INO80C: variants seen among roughly 807,000 people sequenced by gnomAD.
The protein encoded by INO80C is IES6 homolog.
A neutral mutation model predicts 17.7 loss-of-function variants in INO80C; 17 were observed. That is an observed-to-expected ratio of 0.96 (90% CI 0.66 to 1.44). The LOEUF (loss-of-function observed/expected upper bound fraction) is 1.44. Ranked by LOEUF, INO80C falls within the 40% of genes most tolerant of loss-of-function variation. The pLI is 0.00. For missense variants in INO80C, 244 were observed against 245.0 expected (o/e 1.00, Z 0.03); for synonymous variants, 96 against 95.8 (o/e 1.00, Z -0.01).
At chr18:35,472,156 T>C (rs1362118314) in intron 4 of INO80C, among the ~76,000 whole-genome samples, 1 of 152,248 alleles carries the variant, frequency 6.6e-6, no homozygotes, top group Non-Finnish European at 1.5e-5. Context: ...TTTCTAGTTC[T>C]AGATTCTTAA....
intron 4 of INO80C, among the ~76,000 whole-genome samples, chr18:35,477,098 G>T (rs1007080003): frequency 7.2e-5 from 11 of 152,166 alleles, no homozygotes; most frequent in African/African-American, 2.4e-4. Context: ...ACAAAAATTA[G>T]CCAGGCATGG....
At chr18:35,489,295 G>A in intron 1 of INO80C, 1 of 271,424 alleles carries the variant, frequency 3.7e-6, no homozygotes, top group Non-Finnish European at 7.3e-6. Flanking sequence ...CCTAAGACTG[G>A]GTAAATTATA....
At chr18:35,490,534 G>A (rs956316524) in intron 1 of INO80C, among the ~76,000 whole-genome samples, 11 of 152,004 alleles carry the variant, frequency 7.2e-5, no homozygotes, top group Admixed American at 2.6e-4. Context: ...TATGACTACT[G>A]ATATAATACT....
intron 4 of INO80C, among the ~76,000 whole-genome samples, chr18:35,470,216 C>T (rs1469736977): frequency 3.9e-5 from 6 of 152,118 alleles, no homozygotes; most frequent in African/African-American, 9.7e-5. Context: ...AACAAGCTGT[C>T]GGGAACTTAT....
chr18:35,481,984 G>A (rs534482463), intron 1 of INO80C, among the ~76,000 whole-genome samples: 1 of 152,308 alleles, frequency 6.6e-6, no homozygotes, highest in East Asian at 1.9e-4. Context: ...GTATTCCACG[G>A]TAAGGAGGCA....
chr18:35,478,537 C>G (rs2045765744), intron 3 of INO80C, among the ~76,000 whole-genome samples, 188 bp from the exon 4 acceptor site: 1 of 152,116 alleles, frequency 6.6e-6, no homozygotes, highest in Non-Finnish European at 1.5e-5. Flanking sequence ...CAGTATGTCA[C>G]AGGCCAAGTG....
At chr18:35,479,505 C>A (rs960755487) in intron 2 of INO80C, 94 bp from the exon 3 acceptor site, 6 of 730,384 alleles carry the variant, frequency 8.2e-6, no homozygotes, top group Non-Finnish European at 1.4e-5. Flanking sequence ...CTGTAATATA[C>A]CTCTCATCTG....
At chr18:35,474,636 G>A (rs1371305768) in intron 4 of INO80C, among the ~76,000 whole-genome samples, 2 of 152,062 alleles carry the variant, frequency 1.3e-5, no homozygotes, top group African/African-American at 4.8e-5. Flanking sequence ...GTAGTGAGCT[G>A]TGATCACATC....
chr18:35,497,464 G>A (rs984847646), intron 1 of INO80C: 4 of 1,276,116 alleles, frequency 3.1e-6, no homozygotes, highest in Admixed American at 4.0e-5. Flanking sequence ...AGGGGAAGAG[G>A]CAGTCCTTCT....
At chr18:35,474,418 T>A (rs554444547) in intron 4 of INO80C, among the ~76,000 whole-genome samples, 342 of 151,650 alleles carry the variant, frequency 2.3e-3, no homozygotes, top group Admixed American at 6.6e-3. Flanking sequence ...TCAGGCACGG[T>A]GGCTCACATT....
intron 1 of INO80C, among the ~76,000 whole-genome samples, chr18:35,483,249 C>T (rs1259062382): frequency 6.6e-6 from 1 of 152,058 alleles, no homozygotes; most frequent in African/African-American, 2.4e-5. Flanking sequence ...CTACCAGGTA[C>T]CTGTACTCTG....
chr18:35,495,539 T>C (rs2045972268), intron 1 of INO80C, among the ~76,000 whole-genome samples: 1 of 152,138 alleles, frequency 6.6e-6, no homozygotes, highest in African/African-American at 2.4e-5. Context: ...CCAGAGGGAA[T>C]AGAGAGTTAA....
At chr18:35,477,715 G>A (rs1258492394) in intron 4 of INO80C, among the ~76,000 whole-genome samples, 1 of 152,230 alleles carries the variant, frequency 6.6e-6, no homozygotes, top group Non-Finnish European at 1.5e-5. Context: ...TCTGCTGGCA[G>A]TTTCTGAATT....
At chr18:35,480,618 C>G in intron 1 of INO80C, 55 bp from the exon 2 acceptor site, 1 of 1,277,468 alleles carries the variant, frequency 7.8e-7, no homozygotes, top group South Asian at 1.2e-5. Context: ...GCTGAGTTCC[C>G]CACCTCTGCT....
At chr18:35,483,931 A>G (rs1281109919) in intron 1 of INO80C, among the ~76,000 whole-genome samples, 1 of 152,242 alleles carries the variant, frequency 6.6e-6, no homozygotes, top group Middle Eastern at 3.2e-3. Flanking sequence ...TTGAAAAAAT[A>G]AATAATAAAA....
intron 4 of INO80C, among the ~76,000 whole-genome samples, chr18:35,469,008 G>A (rs1475423523): frequency 2.0e-5 from 3 of 152,170 alleles, no homozygotes; most frequent in Admixed American, 2.0e-4. Flanking sequence ...CTCAAGGGCT[G>A]CAACAGGTCC....
chr18:35,494,577 CAAG>C (rs1417836192), intron 1 of INO80C, among the ~76,000 whole-genome samples: 1 of 152,184 alleles, frequency 6.6e-6, no homozygotes, highest in Non-Finnish European at 1.5e-5. Context: ...TGACAGCCAG[CAAG>C]AAGACAGGGG....
intron 1 of INO80C, among the ~76,000 whole-genome samples, chr18:35,490,040 A>ACAC (rs2045918314): frequency 6.6e-6 from 1 of 151,946 alleles, no homozygotes; most frequent in East Asian, 1.9e-4. Flanking sequence ...CCCAAGAGGC[A>ACAC]CACCCAGCTG....
chr18:35,492,659 T>A (rs1455608483), intron 1 of INO80C, among the ~76,000 whole-genome samples: 1 of 152,224 alleles, frequency 6.6e-6, no homozygotes, highest in Non-Finnish European at 1.5e-5. Context: ...GGATGACTAT[T>A]TTTTCAATGA....
Sources: gnomAD v4.1 joint callset for allele counts (sites outside exome capture counted in the v4.1 genomes callset) on GRCh38, gnomAD v4.1.1 for gene constraint, MANE v1.5 for transcripts, NCBI Gene and HGNC (gene_info 2026-07-23, HGNC 2026-07-21) for gene names.